The following ADRA1B variants were observed in gnomAD, a reference collection of about 807,000 sequenced individuals.
ADRA1B encodes adrenoceptor alpha 1B.
Under a neutral mutation model 17.9 loss-of-function variants are expected in ADRA1B, and 17 were observed. That is an observed-to-expected ratio of 0.95 (90% CI 0.65 to 1.42). The LOEUF (loss-of-function observed/expected upper bound fraction) is 1.42, where lower values mean the gene tolerates loss of function less well. Ranked by LOEUF, ADRA1B falls within the 40% of genes most tolerant of loss-of-function variation. The pLI, the probability that ADRA1B is intolerant of heterozygous loss-of-function variation, is 0.00. For missense variants in ADRA1B, 681 were observed against 722.1 expected (o/e 0.94, Z 0.65); for synonymous variants, 366 against 327.6 (o/e 1.12, Z -1.27).
At chr5:159,926,276 G>A (rs1020268432) in intron 1 of ADRA1B, among the ~76,000 whole-genome samples, 10 of 151,864 alleles carry the variant, frequency 6.6e-5, no homozygotes, top group Admixed American at 2.0e-4. Flanking sequence ...CACCTTTCTC[G>A]CGAAGTCTTC....
intron 1 of ADRA1B, among the ~76,000 whole-genome samples, chr5:159,926,552 C>T (rs749026718): frequency 2.6e-5 from 4 of 152,140 alleles, no homozygotes; most frequent in Non-Finnish European, 4.4e-5. Context: ...GAACCTCCCA[C>T]GGCCCACCAG....
At chr5:159,947,633 G>A (rs987892049) in intron 1 of ADRA1B, 12 of 864,794 alleles carry the variant, frequency 1.4e-5, no homozygotes, top group African/African-American at 1.1e-4. Context: ...TCAAATTAAC[G>A]CTAAAGCTAT....
intron 1 of ADRA1B, among the ~76,000 whole-genome samples, chr5:159,893,569 G>A (rs893072004): frequency 8.5e-5 from 13 of 152,216 alleles, no homozygotes; most frequent in African/African-American, 3.1e-4. Flanking sequence ...GTTGTACTAA[G>A]CCAGGAAGAA....
chr5:159,979,092 G>T, the ADRA1B span, among the ~76,000 whole-genome samples: 1 of 152,116 alleles, frequency 6.6e-6, no homozygotes, highest in East Asian at 1.9e-4. Context: ...TTGGGAGGCC[G>T]AGGCAAGAGG....
chr5:159,932,925 G>A (rs1187515118), intron 1 of ADRA1B, among the ~76,000 whole-genome samples: 1 of 151,838 alleles, frequency 6.6e-6, no homozygotes, highest in Non-Finnish European at 1.5e-5. Context: ...TTAAATTTTT[G>A]TTACTACAAA....
intron 1 of ADRA1B, among the ~76,000 whole-genome samples, chr5:159,894,473 T>A (rs974048792): frequency 3.9e-5 from 6 of 152,138 alleles, no homozygotes; most frequent in African/African-American, 1.4e-4. Flanking sequence ...CACATGTAAA[T>A]ATTTACACTT....
chr5:159,886,830 G>A (rs1753930831), intron 1 of ADRA1B, among the ~76,000 whole-genome samples: 1 of 151,936 alleles, frequency 6.6e-6, no homozygotes, highest in Non-Finnish European at 1.5e-5. Flanking sequence ...AGAGAGTAAT[G>A]GAACTTTCCC....
At chr5:159,931,902 C>T (rs191234663) in intron 1 of ADRA1B, among the ~76,000 whole-genome samples, 3 of 152,368 alleles carry the variant, frequency 2.0e-5, no homozygotes, top group Admixed American at 6.5e-5. Flanking sequence ...ACCAACAACA[C>T]TGCACTGGGG....
chr5:159,961,035 C>A (rs891096517), intron 1 of ADRA1B, among the ~76,000 whole-genome samples: 1 of 152,160 alleles, frequency 6.6e-6, no homozygotes, highest in African/African-American at 2.4e-5. Context: ...GGGACAAATG[C>A]CACATTTTAG....
At chr5:159,897,160 T>C (rs1306175210) in intron 1 of ADRA1B, among the ~76,000 whole-genome samples, 1 of 152,186 alleles carries the variant, frequency 6.6e-6, no homozygotes. Context: ...CCTCGTTTCC[T>C]GTGCTTCTCT....
chr5:159,874,584 T>A (rs1753782960), intron 1 of ADRA1B, among the ~76,000 whole-genome samples: 1 of 152,236 alleles, frequency 6.6e-6, no homozygotes, highest in East Asian at 1.9e-4. Flanking sequence ...GTACATGGCA[T>A]GAAGTTCATT....
intron 1 of ADRA1B, among the ~76,000 whole-genome samples, chr5:159,964,677 T>G (rs1341788169): frequency 6.6e-6 from 1 of 152,182 alleles, no homozygotes; most frequent in African/African-American, 2.4e-5. Context: ...ATAGGAATGT[T>G]GCCCACAATT....
At chr5:159,883,395 G>T (rs1246381149) in intron 1 of ADRA1B, among the ~76,000 whole-genome samples, 1 of 152,198 alleles carries the variant, frequency 6.6e-6, no homozygotes. Context: ...AGAAAGTGTT[G>T]AATCCAAAAT....
intron 1 of ADRA1B, chr5:159,950,922 T>G (rs1561605844): frequency 3.2e-5 from 18 of 565,702 alleles, no homozygotes; most frequent in Non-Finnish European, 4.0e-5. Context: ...CACCACAGTT[T>G]CCCAGAGAGG....
intron 1 of ADRA1B, among the ~76,000 whole-genome samples, chr5:159,927,751 G>T (rs1381922924): frequency 1.3e-5 from 2 of 151,986 alleles, no homozygotes; most frequent in African/African-American, 4.8e-5. Flanking sequence ...CTGGAATAAG[G>T]GTGTTTATAG....
chr5:159,919,711 CT>C (rs1229718023), intron 1 of ADRA1B, among the ~76,000 whole-genome samples: 1 of 152,244 alleles, frequency 6.6e-6, no homozygotes, highest in African/African-American at 2.4e-5. Context: ...TCCTTTGCCC[CT>C]GGCCTCCAGC....
chr5:159,970,194 G>T (rs575647698), intron 1 of ADRA1B, among the ~76,000 whole-genome samples: 2 of 151,928 alleles, frequency 1.3e-5, no homozygotes, highest in African/African-American at 4.8e-5. Flanking sequence ...TTATTATATT[G>T]ATTTATTTCC....
At chr5:159,984,812 G>T in the ADRA1B span, among the ~76,000 whole-genome samples, 9 of 151,724 alleles carry the variant, frequency 5.9e-5, no homozygotes, top group Non-Finnish European at 1.5e-5. Flanking sequence ...GGGAGGCTGA[G>T]GCAGGAGAAT....
At chr5:159,874,556 A>C (rs1319585610) in intron 1 of ADRA1B, among the ~76,000 whole-genome samples, 1 of 152,222 alleles carries the variant, frequency 6.6e-6, no homozygotes, top group Non-Finnish European at 1.5e-5. Context: ...ATCAAGGGGC[A>C]TCATTGGGCT....
Sources: allele counts gnomAD v4.1 joint callset (sites outside exome capture counted in the v4.1 genomes callset), GRCh38; gene constraint gnomAD v4.1.1; transcripts MANE v1.5; gene names NCBI Gene and HGNC (gene_info 2026-07-23, HGNC 2026-07-21).